CTR9: variants seen among roughly 807,000 people sequenced by gnomAD.
CTR9 encodes the protein CTR9 component of Paf1/RNA polymerase II complex, also known as RNA polymerase-associated protein CTR9 homolog.
In CTR9, 41 loss-of-function variants were observed where a neutral mutation model predicts 152.1. The observed-to-expected ratio is 0.27, with a 90% CI of 0.21 to 0.35. The LOEUF (loss-of-function observed/expected upper bound fraction) is 0.35, where lower values mean the gene tolerates loss of function less well. Ranked by LOEUF, CTR9 falls within the 10% of genes least tolerant of loss-of-function variation. The pLI, the probability that CTR9 is intolerant of heterozygous loss-of-function variation, is 1.00. For missense variants in CTR9, 917 were observed against 1,424.4 expected (o/e 0.64, Z 5.73); for synonymous variants, 476 against 496.2 (o/e 0.96, Z 0.54).
intron 2 of CTR9, among the ~76,000 whole-genome samples, chr11:10,754,072 T>C (rs530773638): frequency 3.8e-4 from 58 of 152,338 alleles, no homozygotes; most frequent in Middle Eastern, 3.4e-3. Context: ...AGAGTCTCTC[T>C]ATTTTGCCCA....
chr11:10,751,474 G>A lies in CTR9; in HGVS notation c.45+17G>A, dbSNP rs1201580171. On this transcript the variant is annotated intron_variant, in intron 1 of 24. Coordinates refer to ENST00000361367, the MANE Select transcript of CTR9 (RefSeq NM_014633.5). ...ACTGACGAGGTAAGTGTCGTGTATG[G>A]AGGCGGGTGGGGGCCATGAACTTGT... is the stretch of plus-strand genomic sequence containing the variant. 2 of 1,612,922 alleles carry A rather than the reference G, an allele frequency of 1.2e-6. No individual in the cohort carries two copies. The highest frequency in any genetic ancestry group is 3.3e-5 in the Admixed American group (2 of 60,014).
intron 22 of CTR9, among the ~76,000 whole-genome samples, chr11:10,774,902 G>C (rs1160835223): frequency 6.9e-6 from 1 of 145,062 alleles, no homozygotes; most frequent in Non-Finnish European, 1.5e-5. Flanking sequence ...AGACGTTGAA[G>C]TCTGGAGCCT....
Position 10,767,630 on chromosome 11 carries a change from A to G in CTR9, c.1687-176A>G, listed in dbSNP as rs1271673069. 8 of 634,966 alleles carry G rather than the reference A, an allele frequency of 1.3e-5. No individual in the cohort carries two copies. Among genetic ancestry groups the G allele is most frequent in the Non-Finnish European group, 2.2e-5 (8 of 361,568 alleles). 39.3% of individuals were successfully genotyped at this position (634,966 alleles called of 1,614,324 possible). A position where few individuals can be genotyped will look rare whatever the true frequency, so the allele number is the denominator to read the frequency against. Reference sequence around the variant, plus strand: ...TTTTGTATAACTTAGCTTTAGCATTAGTAGTTCGATAAATTTGGATTGCCA... The same window carrying G: ...TTTTGTATAACTTAGCTTTAGCATTGGTAGTTCGATAAATTTGGATTGCCA... On this transcript the variant is annotated intron_variant, in intron 13 of 24. Transcript: ENST00000361367. This position sits in a 1 kb window ranked among gnomAD's most constrained non-coding sequence, Gnocchi z 4.0.
intron 1 of CTR9, 123 bp downstream of exon 1, chr11:10,751,580 C>G (rs1158447549): frequency 1.6e-5 from 15 of 946,032 alleles, no homozygotes; most frequent in Non-Finnish European, 2.4e-5. Flanking sequence ...GATCGAAATA[C>G]CTGGCCAAGG....
Position 10,751,390 on chromosome 11 carries a change from C to T in CTR9, c.-23C>T, listed in dbSNP as rs1435959411. On this transcript the variant is annotated 5_prime_UTR_variant, in exon 1 of 25. Transcript: ENST00000361367. ...GGCTGCGGAGCGGCGGGGCGAGACA[C>T]TTGCTCGCCTTTTGACCCCATCATG... 6 of 1,609,756 alleles carry T rather than the reference C, an allele frequency of 3.7e-6. No homozygotes were observed. Among genetic ancestry groups the T allele is most frequent in the South Asian group, 2.2e-5 (2 of 90,934 alleles).
At chr11:10,773,807 C>T (rs544855499) in intron 21 of CTR9, among the ~76,000 whole-genome samples, 1 of 151,726 alleles carries the variant, frequency 6.6e-6, no homozygotes, top group Admixed American at 6.6e-5. Context: ...ATCACTTGAA[C>T]CCAAGAGGCA....
chr11:10,776,163 G>T (rs571935583), intron 24 of CTR9, among the ~76,000 whole-genome samples: 1 of 152,012 alleles, frequency 6.6e-6, no homozygotes, highest in Non-Finnish European at 1.5e-5. Context: ...TTGGCTTACC[G>T]CAACCTCCAC....
rs1862837685 is a variant in CTR9 at position 10,753,541 on chromosome 11, ATGTGGAT to A, written c.144+773_144+779del. Among the ~76,000 whole-genome samples the A allele has an allele frequency of 2.0e-5, 3 of 152,036 alleles. No homozygotes were observed. The South Asian group carries it at 6.2e-4, about 32-fold the overall frequency. ...TGCTCTAAGAGTTTCTTCCTTTTAG[ATGTGGAT>A]TTACAGAGAAGTATTTTCAGTGACA... On this transcript the variant is annotated intron_variant, in intron 2 of 24. Transcript: ENST00000361367.
chr11:10,756,449 T>C (rs949021507), intron 4 of CTR9, among the ~76,000 whole-genome samples: 6 of 152,188 alleles, frequency 3.9e-5, no homozygotes, highest in Non-Finnish European at 7.4e-5. Context: ...TGTTCCCCTC[T>C]GTGTCCATGT....
rs2135356207 is a variant in CTR9, at chr11:10,755,161, G to A, written c.348G>A (p.Leu116=). 6.2e-7 allele frequency: 1 copy of A among 1,612,212 alleles called. No individual in the cohort carries two copies. The highest frequency in any genetic ancestry group is 8.5e-7 in the Non-Finnish European group (1 of 1,179,316). The change falls in exon 3 of 25, where the codon TTG becomes TTA. Residue 116 remains leucine, a synonymous_variant. Transcript: ENST00000361367. The stretch of plus-strand genomic sequence containing the variant: ...ATCTTATTACACAGGCCACCTTGTT[G>A]TATACAATGGCCGATAAAATTATTA... ...KKDLITQATL[L]YTMADKIIMY...
intron 15 of CTR9, 47 bp from the exon 16 acceptor site, chr11:10,768,296 G>T: frequency 1.9e-6 from 3 of 1,584,990 alleles, no homozygotes; most frequent in South Asian, 2.3e-5. Flanking sequence ...TTGTTTTTCT[G>T]ACTCCAATTA....
chr11:10,774,165 A>C lies in CTR9; in HGVS notation c.2881A>C (p.Arg961=), dbSNP rs1863192635. 1 of 1,609,042 alleles carries C rather than the reference A, an allele frequency of 6.2e-7. No individual in the cohort carries two copies. The highest frequency in any genetic ancestry group is 8.5e-7 in the Non-Finnish European group (1 of 1,177,760). Reference sequence around the variant, plus strand: ...TGGTGAGAGAAAGAAGAAAAAGAGGAGAAGGTAATGTCATCATTAATGTGC... The same window carrying C: ...TGGTGAGAGAAAGAAGAAAAAGAGGCGAAGGTAATGTCATCATTAATGTGC... ...EGGERKKKKR[R]RHPKGEEGSD... is the part of the protein sequence containing the mutation. The change falls in exon 22 of 25, where the codon AGA becomes CGA. Residue 961 remains arginine, a synonymous_variant. Transcript: ENST00000361367.
chr11:10,775,427 G>A lies in CTR9; in HGVS notation c.2983-94G>A, dbSNP rs1471747626. The A allele has an allele frequency of 3.7e-6, 5 of 1,362,072 alleles. No individual in the cohort carries two copies. In the Admixed American group the frequency reaches 9.6e-5, roughly 26 times the overall value. The allele number at this position is 1,362,072 out of a possible 1,614,324, so 84.4% of individuals were successfully genotyped here. ...TGCTTGTTTTCAAAGTTCATCAGTG[G>A]CTGTTTGATTGTATCATTGTAATGC... On this transcript the variant is annotated intron_variant, in intron 23 of 24. Transcript: ENST00000361367.
chr11:10,760,023 T>C, intron 5 of CTR9, 150 bp from the exon 6 acceptor site: 2 of 775,492 alleles, frequency 2.6e-6, no homozygotes, highest in South Asian at 3.7e-5. Context: ...GAAACCAAGT[T>C]TGTGATAGGT....
chr11:10,770,513 A>C lies in CTR9; in HGVS notation c.2253A>C (p.Thr751=), dbSNP rs1564970840. ...CTAGACATGTGGCACCCAGTGATAC[A>C]GTTCTTATGTTTAATGTGGCCTTGG... ...LKARHVAPSD[T]VLMFNVALVL... is the part of the protein sequence containing the mutation. Residue 751 remains threonine, a synonymous_variant, in exon 18 of 25, where the codon ACA becomes ACC. Coordinates refer to ENST00000361367, the MANE Select transcript of CTR9 (RefSeq NM_014633.5). The C allele has an allele frequency of 1.2e-6, 2 of 1,613,454 alleles. No individual in the cohort carries two copies. Among genetic ancestry groups the C allele is most frequent in the Non-Finnish European group, 8.5e-7 (1 of 1,179,822 alleles).
At chr11:10,761,817 G>A in intron 6 of CTR9, 130 bp from the exon 7 acceptor site, 1 of 515,358 alleles carries the variant, frequency 1.9e-6, no homozygotes, top group Middle Eastern at 4.7e-4. Context: ...AAAATCATAA[G>A]AAGCTTCTAA....
intron 16 of CTR9, among the ~76,000 whole-genome samples, chr11:10,769,837 G>T (rs551358654): frequency 6.6e-6 from 1 of 152,324 alleles, no homozygotes; most frequent in African/African-American, 2.4e-5. Context: ...GAAAGGTGTA[G>T]ATGGTAAAAC....
rs372000800 is a variant in CTR9, at chr11:10,764,506, A to G, written c.1414-42A>G. On this transcript the variant is annotated intron_variant, in intron 11 of 24. Coordinates refer to ENST00000361367, the MANE Select transcript of CTR9 (RefSeq NM_014633.5). ...GCATGCACACCTTTTTAAAAAGTGTATAAACTAAATCTTTTAACAGTGTGA... is the reference window on the plus strand; with the variant it reads ...GCATGCACACCTTTTTAAAAAGTGTGTAAACTAAATCTTTTAACAGTGTGA... The G allele has an allele frequency of 1.2e-5, 20 of 1,605,022 alleles. No homozygotes were observed. In the South Asian group the frequency reaches 2.0e-4, roughly 16 times the overall value.
At chr11:10,771,710 C>T in intron 19 of CTR9, 94 bp downstream of exon 19, 1 of 837,720 alleles carries the variant, frequency 1.2e-6, no homozygotes, top group Non-Finnish European at 2.0e-6. Context: ...AGGTTCCTGA[C>T]CTTCCACAGG....
Sources: gnomAD v4.1 joint callset for allele counts (sites outside exome capture counted in the v4.1 genomes callset) on GRCh38, gnomAD v4.1.1 for gene constraint, Gnocchi (gnomAD v3.1) non-coding constraint, MANE v1.5 for transcripts, NCBI Gene and HGNC (gene_info 2026-07-23, HGNC 2026-07-21) for gene names.